Variants in CD5 observed in about 807,000 individuals in gnomAD.
CD5 encodes the protein CD5 molecule.
A neutral mutation model predicts 60.3 loss-of-function variants in CD5; 36 were observed. The ratio of observed to expected loss-of-function variants is 0.60; its 90% CI spans 0.46 to 0.79. The LOEUF is 0.79. Among genes scored for constraint, CD5 ranks in the 30% least tolerant of loss-of-function variants. CD5 has a pLI of 0.00. For synonymous variants in CD5, 230 were observed against 257.6 expected, an observed-to-expected ratio of 0.89 and a Z score of 1.03; for missense variants, 540 against 630.6, an observed-to-expected ratio of 0.86 and a Z score of 1.54.
upstream of CD5, among the ~76,000 whole-genome samples, chr11:61,098,132 A>G (rs1860607101): frequency 6.6e-6 from 1 of 152,178 alleles, no homozygotes; most frequent in Admixed American, 6.5e-5. Context: ...CCATGTTTGG[A>G]AAATGGTTCC....
In CD5 at chr11:61,121,629, A is replaced by T; in HGVS notation, c.824A>T (p.Gln275Leu). 1 of 1,519,524 alleles carries T rather than the reference A, an allele frequency of 6.6e-7. No homozygotes were observed. Among genetic ancestry groups the T allele is most frequent in the South Asian group, 1.3e-5 (1 of 79,066 alleles). 94.1% of individuals were successfully genotyped at this position (1,519,524 alleles called of 1,614,324 possible). A position where few individuals can be genotyped will look rare whatever the true frequency, so the allele number is the denominator to read the frequency against. Residue 275 changes from glutamine to leucine, a missense_variant, in exon 6 of 11, where the codon CAG becomes CTG. Physicochemically the swap from Gln to Leu is moderately radical, Grantham distance 113 (BLOSUM62 -2). Transcript: ENST00000347785. ...LLCSGFQPKV[Q>L]SRLVGGSSIC... ...CTCTCAGGTTTCCAGCCCAAGGTGC[A>T]GAGCCGTCTGGTGGGGGGCAGCAGC...
At chr11:61,110,683 G>T (rs1231444314) in intron 1 of CD5, among the ~76,000 whole-genome samples, 22 of 152,256 alleles carry the variant, frequency 1.4e-4, no homozygotes, top group Admixed American at 1.3e-3. Flanking sequence ...CTAGGTTTGA[G>T]TTCGGGCCCC....
rs112878718 is a variant in CD5, at chr11:61,114,454, G to GCATACATACATA, written c.56-595_56-584dup. Among the ~76,000 whole-genome samples, 870 of 151,266 alleles carry GCATACATACATA rather than the reference G, an allele frequency of 5.8e-3. 14 individuals carry two copies. The highest frequency in any genetic ancestry group is 0.02 in the African/African-American group (811 of 40,942). On this transcript the variant is annotated intron_variant, in intron 1 of 10. Transcript: ENST00000347785. ...TCTCTACATACACACACACATACAT[G>GCATACATACATA]CATACATACATACATACACACATAC...
intron 8 of CD5, 143 bp from the exon 9 acceptor site, chr11:61,124,889 G>A (rs1861122629): frequency 1.2e-6 from 1 of 829,676 alleles, no homozygotes; most frequent in East Asian, 2.7e-5. Flanking sequence ...AGGAGAGGGG[G>A]ATGCATTGAA....
At chr11:61,105,706 A>G (rs72912986) in intron 1 of CD5, among the ~76,000 whole-genome samples, 33,546 of 152,094 alleles carry the variant, frequency 0.22, 4,044 homozygotes, top group African/African-American at 0.28. Flanking sequence ...ATCTACAAAT[A>G]TTATTGAGCA....
upstream of CD5, chr11:61,102,439 G>A (rs917551959): frequency 3.4e-5 from 12 of 355,518 alleles, no homozygotes; most frequent in African/African-American, 2.0e-4. Flanking sequence ...CCTGCTCCCC[G>A]TCCCACCCCT....
At chr11:61,121,301 C>T (rs546126902) in intron 5 of CD5, among the ~76,000 whole-genome samples, 1 of 152,398 alleles carries the variant, frequency 6.6e-6, no homozygotes, top group East Asian at 1.9e-4. Context: ...TTATCTCCAC[C>T]TGGCATGGAG....
In CD5 at chr11:61,113,174, G is replaced by A. The variant is rs531699423; in HGVS notation, c.56-1882G>A. Among the ~76,000 whole-genome samples the A allele has an allele frequency of 3.1e-4, 47 of 152,310 alleles. No homozygotes were observed. The Middle Eastern group carries it at 0.01, about 33-fold the overall frequency. On this transcript the variant is annotated intron_variant, in intron 1 of 10. Coordinates refer to ENST00000347785, the MANE Select transcript of CD5 (RefSeq NM_014207.4). ...AAAGCAGTCTCCTTGACCCAGTGCC[G>A]TAAATCCAAGAGTAAACCCAAGTCG...
rs1262578925 is a variant in CD5 at position 61,127,179 on chromosome 11, CCTTGACGAAAACAGA to C, written c.*897_*911del. 1 of 152,252 alleles carries C rather than the reference CCTTGACGAAAACAGA, an allele frequency of 6.6e-6. No homozygotes were observed. The highest frequency in any genetic ancestry group is 1.5e-5 in the Non-Finnish European group (1 of 68,056). The allele number at this position is 152,252 out of a possible 1,614,324, so 9.4% of individuals were successfully genotyped here. The stretch of plus-strand genomic sequence containing the variant: ...CATGTTCCTTTGGTTTGAATAACTC[CCTTGACGAAAACAGA>C]CTCCTCTAGTACTTGGAGATCTTGG... On this transcript the variant is annotated 3_prime_UTR_variant, in exon 11 of 11. Transcript: ENST00000347785.
chr11:61,124,990 A>G, intron 8 of CD5, 42 bp from the exon 9 acceptor site: 1 of 1,612,998 alleles, frequency 6.2e-7, no homozygotes, highest in African/African-American at 1.3e-5. Context: ...GAGACGGAGG[A>G]CACAGCCACA....
chr11:61,125,398 T>C (rs1025829309), intron 9 of CD5, among the ~76,000 whole-genome samples: 1 of 152,210 alleles, frequency 6.6e-6, no homozygotes, highest in Non-Finnish European at 1.5e-5. Context: ...CAGAAAGCCA[T>C]CAACCCCAGC....
In CD5 at chr11:61,107,076, C is replaced by T. The variant is rs144372104; in HGVS notation, c.55+4461C>T. Among the ~76,000 whole-genome samples the T allele has an allele frequency of 5.5e-3, 841 of 152,170 alleles. 4 individuals are homozygous for T. Among genetic ancestry groups the T allele is most frequent in the Middle Eastern group, 0.017 (5 of 294 alleles). On this transcript the variant is annotated intron_variant, in intron 1 of 10. Transcript: ENST00000347785. ...AGCTAGTGATTATGCGAATACTAGA[C>T]GGTCATGAGAGGTGTGGAGACAGAC... is the stretch of plus-strand genomic sequence containing the variant.
chr11:61,116,972 A>G (rs1321428663), intron 2 of CD5, among the ~76,000 whole-genome samples: 4 of 152,198 alleles, frequency 2.6e-5, no homozygotes, highest in Non-Finnish European at 4.4e-5. Flanking sequence ...CCCATGACCC[A>G]GCAATTCCAT....
chr11:61,101,200 A>G (rs1860677636), upstream of CD5, among the ~76,000 whole-genome samples: 3 of 108,630 alleles, frequency 2.8e-5, 1 homozygote, highest in Non-Finnish European at 5.6e-5. Context: ...ACACACACAC[A>G]TCAACATGGA....
At chr11:61,096,676 C>T in the CD5 span, among the ~76,000 whole-genome samples, 1 of 152,150 alleles carries the variant, frequency 6.6e-6, no homozygotes, top group Non-Finnish European at 1.5e-5. Flanking sequence ...CTAAAGTTAC[C>T]AGCAACAGGA....
chr11:61,119,935 T>A (rs1565186287), intron 5 of CD5, among the ~76,000 whole-genome samples: 1 of 151,730 alleles, frequency 6.6e-6, no homozygotes, highest in Non-Finnish European at 1.5e-5. Context: ...GTGCCAAAGA[T>A]GGGGCACTTG....
chr11:61,115,300 G>A (rs956473004), intron 2 of CD5, among the ~76,000 whole-genome samples: 1 of 152,058 alleles, frequency 6.6e-6, no homozygotes, highest in Admixed American at 6.5e-5. Flanking sequence ...GGGTGCCCTC[G>A]ACAGCCGTAA....
At chr11:61,125,878 G>A (rs754217767) in intron 10 of CD5, 37 bp downstream of exon 10, 5 of 1,451,190 alleles carry the variant, frequency 3.4e-6, no homozygotes, top group Non-Finnish European at 4.8e-6. Flanking sequence ...GCACCCCAGG[G>A]TCCCCCACAG....
chr11:61,121,750 G>A lies in CD5; in HGVS notation c.945G>A (p.Val315=), dbSNP rs755027504. 2.0e-5 allele frequency: 32 copies of A among 1,611,954 alleles called. No individual in the cohort carries two copies. Among genetic ancestry groups the A allele is most frequent in the Middle Eastern group, 1.6e-4 (1 of 6,064 alleles). Residue 315 remains valine, a synonymous_variant, in exon 6 of 11, where the codon GTG becomes GTA. Coordinates refer to ENST00000347785, the MANE Select transcript of CD5 (RefSeq NM_014207.4). ...SARSSLRWEE[V]CREQQCGSVN... is the part of the protein sequence containing the mutation. Reference sequence around the variant, plus strand: ...GGAGCTCGCTGCGGTGGGAGGAGGTGTGCCGGGAGCAGCAGTGTGGCAGCG... The same window carrying A: ...GGAGCTCGCTGCGGTGGGAGGAGGTATGCCGGGAGCAGCAGTGTGGCAGCG...
Sources: allele counts gnomAD v4.1 joint callset (sites outside exome capture counted in the v4.1 genomes callset), GRCh38; gene constraint gnomAD v4.1.1; transcripts MANE v1.5; gene names NCBI Gene and HGNC (gene_info 2026-07-23, HGNC 2026-07-21).